ROBO2: variants seen among roughly 807,000 people sequenced by gnomAD.
ROBO2 encodes roundabout homolog 2.
Under a neutral mutation model 160.8 loss-of-function variants are expected in ROBO2, and 53 were observed. That is an observed-to-expected ratio of 0.33 (90% CI 0.26 to 0.41). The LOEUF is 0.41. Among genes scored for constraint, ROBO2 ranks in the 10% least tolerant of loss-of-function variants. ROBO2 has a pLI of 1.00. For synonymous variants in ROBO2, 664 were observed against 611.7 expected (o/e 1.09, Z -1.26); for missense variants, 1,577 against 1,722.4 (o/e 0.92, Z 1.49).
chr3:77,626,815 A>C (rs115972599), intron 23 of ROBO2, among the ~76,000 whole-genome samples: 1 of 152,134 alleles, frequency 6.6e-6, no homozygotes, highest in African/African-American at 2.4e-5. Flanking sequence ...GCTGGACCCC[A>C]CATGAATATC....
At chr3:76,668,272 A>G (rs1396167146) in intron 2 of ROBO2, among the ~76,000 whole-genome samples, 1 of 151,534 alleles carries the variant, frequency 6.6e-6, no homozygotes, top group African/African-American at 2.4e-5. Flanking sequence ...GCTATTAAAA[A>G]AAAATTGTAG....
intron 2 of ROBO2, among the ~76,000 whole-genome samples, chr3:76,410,160 C>T (rs1205264055): frequency 3.3e-5 from 5 of 152,074 alleles, no homozygotes; most frequent in African/African-American, 1.2e-4. Context: ...TCCAGCAAGT[C>T]TCTACTTTCT....
intron 2 of ROBO2, among the ~76,000 whole-genome samples, chr3:76,242,587 A>G (rs1705357715): frequency 6.6e-6 from 1 of 152,104 alleles, no homozygotes; most frequent in Admixed American, 6.5e-5. Flanking sequence ...TCTCCGAAGC[A>G]AGAAATCCCA....
chr3:77,264,057 TC>T (rs1468349850), intron 2 of ROBO2, among the ~76,000 whole-genome samples: 1 of 144,230 alleles, frequency 6.9e-6, no homozygotes, highest in Non-Finnish European at 1.6e-5. Context: ...ACCATCATCA[TC>T]ACCATCATCG....
chr3:77,371,189 T>A (rs2071700854), intron 2 of ROBO2, among the ~76,000 whole-genome samples: 1 of 152,192 alleles, frequency 6.6e-6, no homozygotes, highest in Non-Finnish European at 1.5e-5. Context: ...TCAAGGTTGG[T>A]GATTTATGAG....
At chr3:76,510,664 C>T (rs1004662695) in intron 2 of ROBO2, among the ~76,000 whole-genome samples, 6 of 152,022 alleles carry the variant, frequency 3.9e-5, no homozygotes, top group Non-Finnish European at 8.8e-5. Context: ...GCGGAGATTG[C>T]AGTGGGTGAG....
At chr3:77,244,799 A>T (rs570395632) in intron 2 of ROBO2, among the ~76,000 whole-genome samples, 1 of 150,378 alleles carries the variant, frequency 6.6e-6, no homozygotes, top group African/African-American at 2.4e-5. Flanking sequence ...AATCGCTTGA[A>T]CCTGGGAGGC....
At chr3:77,108,427 A>T (rs1394075080) in intron 2 of ROBO2, among the ~76,000 whole-genome samples, 1 of 151,280 alleles carries the variant, frequency 6.6e-6, no homozygotes, top group East Asian at 1.9e-4. Context: ...ACCCCCCCCT[A>T]CCTTGGCCTC....
intron 21 of ROBO2, among the ~76,000 whole-genome samples, chr3:77,610,794 C>T (rs983661143): frequency 3.1e-4 from 31 of 99,116 alleles, no homozygotes; most frequent in Non-Finnish European, 5.4e-4. Flanking sequence ...CAATGAAAGA[C>T]GAGAAAACAG....
intron 2 of ROBO2, among the ~76,000 whole-genome samples, chr3:75,976,775 CAAG>C (rs1328792375): frequency 4.0e-5 from 6 of 151,122 alleles, no homozygotes; most frequent in East Asian, 2.0e-4. Flanking sequence ...GAATTAGAAA[CAAG>C]AAGAAGACTC....
At chr3:76,118,873 T>G (rs2070594279) in intron 2 of ROBO2, among the ~76,000 whole-genome samples, 1 of 152,194 alleles carries the variant, frequency 6.6e-6, no homozygotes, top group Admixed American at 6.5e-5. Context: ...CACCGTTTAA[T>G]TAAAATCTGT....
At chr3:76,369,390 C>G (rs1459578690) in intron 2 of ROBO2, among the ~76,000 whole-genome samples, 2 of 152,032 alleles carry the variant, frequency 1.3e-5, no homozygotes, top group African/African-American at 4.8e-5. Context: ...AGTTCTGCCA[C>G]TAGGGTCTGC....
At chr3:76,983,976 A>G (rs1463205372) in intron 2 of ROBO2, among the ~76,000 whole-genome samples, 1 of 152,214 alleles carries the variant, frequency 6.6e-6, no homozygotes, top group African/African-American at 2.4e-5. Flanking sequence ...GCAGAATGCA[A>G]AGGAGACGCA....
intron 2 of ROBO2, among the ~76,000 whole-genome samples, chr3:76,765,912 A>G (rs1039552520): frequency 6.6e-5 from 10 of 151,662 alleles, no homozygotes; most frequent in Non-Finnish European, 1.5e-4. Context: ...ATCAATCGTA[A>G]CTGGAATCAA....
At chr3:77,083,086 C>T (rs1203296031) in intron 1 of ROBO2, among the ~76,000 whole-genome samples, 2 of 152,028 alleles carry the variant, frequency 1.3e-5, no homozygotes. Context: ...TCTCATTTCT[C>T]CCCCTGCAGT....
At chr3:76,971,918 A>G (rs1430715839) in intron 2 of ROBO2, among the ~76,000 whole-genome samples, 3 of 152,188 alleles carry the variant, frequency 2.0e-5, no homozygotes, top group African/African-American at 4.8e-5. Flanking sequence ...CTAACCTGGC[A>G]ATTAAATCAC....
chr3:77,096,265 C>A (rs978406909), intron 1 of ROBO2, among the ~76,000 whole-genome samples: 1 of 151,966 alleles, frequency 6.6e-6, no homozygotes, highest in Non-Finnish European at 1.5e-5. Flanking sequence ...ATCATTATGT[C>A]CCCATATATG....
intron 2 of ROBO2, among the ~76,000 whole-genome samples, chr3:76,723,703 G>C (rs558180253): frequency 5.9e-5 from 9 of 152,238 alleles, no homozygotes; most frequent in Non-Finnish European, 1.2e-4. Flanking sequence ...AAAGACTTTG[G>C]TGACTGGTGG....
chr3:77,016,603 A>T (rs745746243), intron 2 of ROBO2, among the ~76,000 whole-genome samples: 1 of 152,174 alleles, frequency 6.6e-6, no homozygotes, highest in Non-Finnish European at 1.5e-5. Flanking sequence ...TCTTTAATCT[A>T]CAAAAACAGT....
Sources: gnomAD v4.1 joint callset for allele counts (sites outside exome capture counted in the v4.1 genomes callset) on GRCh38, gnomAD v4.1.1 for gene constraint, MANE v1.5 for transcripts, NCBI Gene and HGNC (gene_info 2026-07-23, HGNC 2026-07-21) for gene names.